Variants in TMEM236 observed in about 807,000 individuals in gnomAD.
TMEM236 encodes family with sequence similarity 23, member A.
Under a neutral mutation model 14.7 loss-of-function variants are expected in TMEM236, and 11 were observed. The observed-to-expected ratio is 0.75, with a 90% CI of 0.47 to 1.24. TMEM236 has a LOEUF of 1.24. Ranked by LOEUF, TMEM236 falls within the 50% of genes most tolerant of loss-of-function variation. TMEM236 has a pLI of 0.00. For missense variants in TMEM236, 464 were observed against 427.3 expected (o/e 1.09, Z -0.76); for synonymous variants, 182 against 168.6 (o/e 1.08, Z -0.62).
At chr10:17,768,050 A>G (rs2131746516) in intron 1 of TMEM236, among the ~76,000 whole-genome samples, 1 of 148,768 alleles carries the variant, frequency 6.7e-6, no homozygotes, top group South Asian at 2.1e-4. Context: ...AGCTGCGACT[A>G]CAGGTACACA....
At chr10:17,781,961 G>A (rs1439267953) in intron 3 of TMEM236, among the ~76,000 whole-genome samples, 3 of 151,892 alleles carry the variant, frequency 2.0e-5, no homozygotes, top group Non-Finnish European at 4.4e-5. Flanking sequence ...CATTGTAACC[G>A]CACCTGTTTC....
At chr10:17,759,313 G>C (rs1438366385) in intron 1 of TMEM236, among the ~76,000 whole-genome samples, 1 of 152,188 alleles carries the variant, frequency 6.6e-6, no homozygotes, top group East Asian at 1.9e-4. Context: ...ATTGGCAGTA[G>C]GATAATCCTA....
At chr10:17,772,172 A>G (rs1837583649) in intron 2 of TMEM236, among the ~76,000 whole-genome samples, 1 of 152,196 alleles carries the variant, frequency 6.6e-6, no homozygotes, top group African/African-American at 2.4e-5. Flanking sequence ...GACATTAGAG[A>G]GAAAAATAAA....
intron 2 of TMEM236, among the ~76,000 whole-genome samples, chr10:17,775,242 G>T (rs1837640854): frequency 6.6e-6 from 1 of 152,088 alleles, no homozygotes; most frequent in African/African-American, 2.4e-5. Context: ...TTAATACAAT[G>T]CTTTCCATAG....
At chr10:17,769,427 T>C (rs1257035657) in intron 1 of TMEM236, among the ~76,000 whole-genome samples, 1 of 152,068 alleles carries the variant, frequency 6.6e-6, no homozygotes, top group Non-Finnish European at 1.5e-5. Context: ...CACCAGAATA[T>C]ATTGTGGAGT....
chr10:17,779,327 T>TTG (rs1837710801), intron 3 of TMEM236, among the ~76,000 whole-genome samples: 1 of 151,806 alleles, frequency 6.6e-6, no homozygotes, highest in Admixed American at 6.6e-5. Flanking sequence ...ATCTAAGGTC[T>TTG]TGTGATTGCT....
intron 1 of TMEM236, among the ~76,000 whole-genome samples, chr10:17,760,621 A>G (rs1304791798): frequency 6.6e-6 from 1 of 152,154 alleles, no homozygotes; most frequent in African/African-American, 2.4e-5. Context: ...TGCAGGCTTT[A>G]TCTTCCTTGC....
intron 3 of TMEM236, among the ~76,000 whole-genome samples, chr10:17,791,956 G>C (rs1002085493): frequency 1.1e-4 from 16 of 152,206 alleles, no homozygotes; most frequent in Non-Finnish European, 1.8e-4. Context: ...CCCAGGCTTG[G>C]TACGGCACTC....
chr10:17,752,842 C>G (rs994033224), intron 1 of TMEM236, among the ~76,000 whole-genome samples: 5 of 152,316 alleles, frequency 3.3e-5, no homozygotes, highest in South Asian at 4.1e-4. Flanking sequence ...ACTAGGATTA[C>G]AGGCAGAAGC....
At chr10:17,767,141 C>T (rs1837480183) in intron 1 of TMEM236, among the ~76,000 whole-genome samples, 1 of 152,144 alleles carries the variant, frequency 6.6e-6, no homozygotes, top group South Asian at 2.1e-4. Context: ...TGGGGAGACA[C>T]CATTTGACCC....
At chr10:17,772,152 A>G (rs1276125487) in intron 2 of TMEM236, among the ~76,000 whole-genome samples, 1 of 152,244 alleles carries the variant, frequency 6.6e-6, no homozygotes, top group African/African-American at 2.4e-5. Context: ...AGTCTCTCAT[A>G]TAATTTTCTG....
Position 17,796,423 on chromosome 10 carries a change from C to A in TMEM236, c.975C>A (p.Ile325=), listed in dbSNP as rs1838016504. 2 of 1,613,822 alleles carry A rather than the reference C, an allele frequency of 1.2e-6. No individual in the cohort carries two copies. The highest frequency in any genetic ancestry group is 2.7e-5 in the African/African-American group (2 of 74,990). ...ITPVLGLCKN[I]LVTLSYIYFN... ...CCGTACTGGGCCTGTGTAAAAATAT[C>A]CTCGTGACTCTCTCTTACATTTACT... is the stretch of plus-strand genomic sequence containing the variant. The change falls in exon 4 of 4, where the codon ATC becomes ATA. Residue 325 remains isoleucine, a synonymous_variant. Transcript: ENST00000377495.
At chr10:17,776,274 G>A (rs1209951576) in intron 3 of TMEM236, 104 bp downstream of exon 3, 4 of 1,107,842 alleles carry the variant, frequency 3.6e-6, no homozygotes, top group Non-Finnish European at 5.4e-6. Flanking sequence ...CTTTTCTTAG[G>A]GCTAACATTA....
At chr10:17,777,177 C>T (rs1042175569) in intron 3 of TMEM236, among the ~76,000 whole-genome samples, 3,177 of 152,202 alleles carry the variant, frequency 0.021, 111 homozygotes, top group African/African-American at 0.072. Flanking sequence ...AGATGGAAAG[C>T]AAAACTGAGG....
At chr10:17,770,083 A>G (rs1837543816) in intron 1 of TMEM236, among the ~76,000 whole-genome samples, 2 of 152,150 alleles carry the variant, frequency 1.3e-5, no homozygotes, top group Admixed American at 6.5e-5. Flanking sequence ...GAGAACATAC[A>G]GTATTTGGTT....
chr10:17,772,238 G>C (rs1837584828), intron 2 of TMEM236, among the ~76,000 whole-genome samples: 1 of 152,210 alleles, frequency 6.6e-6, no homozygotes, highest in South Asian at 2.1e-4. Flanking sequence ...ACCGAGTAAT[G>C]TATGACATTA....
At position 17,796,241 on chromosome 10, in the gene TMEM236, TG is replaced by T. The variant is rs1156640834; in HGVS notation, c.795del (p.Trp265CysfsTer28). On this transcript the variant is annotated frameshift_variant, in exon 4 of 4. Transcript: ENST00000377495. LOFTEE classifies it low-confidence loss of function (END_TRUNC). Reference sequence around the variant, plus strand: ...TCACCCCAACGTGTACAAGTCAAGCTGGCTATACCCAGTCTACATATTCAGT... The same window carrying T: ...TCACCCCAACGTGTACAAGTCAAGCTGCTATACCCAGTCTACATATTCAGT... ...AGHPNVYKSS[W>X]LYPVYIFSFI... 1 of 1,613,986 alleles carries T rather than the reference TG, an allele frequency of 6.2e-7. No homozygotes were observed. The highest frequency in any genetic ancestry group is 8.5e-7 in the Non-Finnish European group (1 of 1,179,870).
chr10:17,779,617 G>T (rs1237541524), intron 3 of TMEM236, among the ~76,000 whole-genome samples: 1 of 152,028 alleles, frequency 6.6e-6, no homozygotes, highest in African/African-American at 2.4e-5. Flanking sequence ...CACCCTGTTG[G>T]CCAGGCTGGT....
chr10:17,792,058 GT>G lies in TMEM236; in HGVS notation c.473-3862del, dbSNP rs1413725753. ...GGATGTTTTTAGGTGCCTTTTCTTT[GT>G]GATTCTTTTTTCTTTTCTTCCTCTT... is the stretch of plus-strand genomic sequence containing the variant. On this transcript the variant is annotated intron_variant, in intron 3 of 3. Transcript: ENST00000377495. Among the ~76,000 whole-genome samples, 978 of 151,390 alleles carry G rather than the reference GT, an allele frequency of 6.5e-3. 9 individuals carry two copies. Among genetic ancestry groups the G allele is most frequent in the African/African-American group, 0.022 (927 of 41,250 alleles).
Sources: gnomAD v4.1 joint callset for allele counts (sites outside exome capture counted in the v4.1 genomes callset) on GRCh38, gnomAD v4.1.1 for gene constraint, MANE v1.5 for transcripts, NCBI Gene and HGNC (gene_info 2026-07-23, HGNC 2026-07-21) for gene names.